HTT: variants seen among roughly 807,000 people sequenced by gnomAD.
The protein encoded by HTT is huntingtin, also known as huntington disease protein.
A neutral mutation model predicts 362.3 loss-of-function variants in HTT; 104 were observed. That is an observed-to-expected ratio of 0.29 (90% CI 0.24 to 0.34). The LOEUF (loss-of-function observed/expected upper bound fraction) is 0.34, where lower values mean the gene tolerates loss of function less well. HTT is among the 10% of genes least tolerant of loss of function. HTT has a pLI of 1.00. For synonymous variants in HTT, 1,577 were observed against 1,548.7 expected, an observed-to-expected ratio of 1.02 and a Z score of -0.43; for missense variants, 3,301 against 3,928.6, an observed-to-expected ratio of 0.84 and a Z score of 4.27.
At chr4:3,203,034 C>T (rs974723553) in intron 41 of HTT, 5 of 152,148 alleles carry the variant, frequency 3.3e-5, no homozygotes, top group South Asian at 2.1e-4. Context: ...CGGAACCACG[C>T]GGTGTGCAGC....
chr4:3,145,226 T>C lies in HTT; in HGVS notation c.3141T>C (p.Cys1047=). The C allele has an allele frequency of 6.2e-7, 1 of 1,600,628 alleles. No homozygotes were observed. The highest frequency in any genetic ancestry group is 8.6e-7 in the Non-Finnish European group (1 of 1,167,726). ...PVCIWSLGWH[C]GVPPLSASDE... ...GCATTTGGAGTTTAGGTTGGCACTG[T>C]GGGTATGTATTTTCCTCAGTATATA... The change falls in exon 24 of 67, where the codon TGT becomes TGC. Residue 1047 remains cysteine (C), a splice_region_variant and synonymous_variant. Transcript: ENST00000355072.
Position 3,206,376 on chromosome 4 carries a change from G to A in HTT, c.5719-120G>A. On this transcript the variant is annotated intron_variant, in intron 42 of 66. Transcript: ENST00000355072. The surrounding 1 kb of genome is among the most constrained non-coding windows in gnomAD (Gnocchi z 4.6). ...TGTGCTCATACACTGTATATTTTTA[G>A]TGAGGTTTATATTTGGGATGTGTTT... 1.4e-6 allele frequency: 1 copy of A among 737,474 alleles called. No individual in the cohort carries two copies. The highest frequency in any genetic ancestry group is 2.4e-5 in the Admixed American group (1 of 41,022). The allele number at this position is 737,474 out of a possible 1,614,324, so 45.7% of individuals were successfully genotyped here.
chr4:3,158,729 C>G (rs1717288967), intron 28 of HTT, among the ~76,000 whole-genome samples: 1 of 151,730 alleles, frequency 6.6e-6, no homozygotes, highest in Non-Finnish European at 1.5e-5. Context: ...ATATGAAAGT[C>G]TTCATATTTT....
chr4:3,140,516 C>T lies in HTT; in HGVS notation c.2805C>T (p.Val935=), dbSNP rs751190890. ...HVAAASLIRL[V]PKLFYKCDQG... is the part of the protein sequence containing the mutation. ...AACCTTACTTTTGTGTTAGGCTTGT[C>T]CCAAAGCTGTTTTATAAATGTGACC... The change falls in exon 22 of 67, where the codon GTC becomes GTT. Residue 935 remains valine, a synonymous_variant. Transcript: ENST00000355072. 1.2e-6 allele frequency: 2 copies of T among 1,613,868 alleles called. No individual in the cohort carries two copies. Among genetic ancestry groups the T allele is most frequent in the Non-Finnish European group, 1.7e-6 (2 of 1,179,946 alleles).
intron 11 of HTT, among the ~76,000 whole-genome samples, chr4:3,127,061 T>C (rs1460576145): frequency 6.6e-6 from 1 of 152,316 alleles, no homozygotes; most frequent in East Asian, 1.9e-4. Flanking sequence ...ATAAGCCTTA[T>C]TTTATAAGGT....
chr4:3,116,040 A>G (rs1293639175), intron 7 of HTT, 45 bp from the exon 8 acceptor site: 2 of 1,546,560 alleles, frequency 1.3e-6, no homozygotes, highest in Non-Finnish European at 1.8e-6. Flanking sequence ...GGGAATCTCC[A>G]AACAGTGAGT....
At chr4:3,140,761 C>T (rs2110198512) in intron 22 of HTT, 105 bp downstream of exon 22, 1 of 1,142,986 alleles carries the variant, frequency 8.7e-7, no homozygotes, top group Non-Finnish European at 1.2e-6. Flanking sequence ...AAAAAAGCTT[C>T]AGCTCAGGAT....
intron 66 of HTT, 108 bp from the exon 67 acceptor site, chr4:3,239,738 G>C: frequency 2.3e-6 from 2 of 879,052 alleles, no homozygotes; most frequent in East Asian, 2.7e-5. Flanking sequence ...CGCTCTCCAG[G>C]CTCCCTGGAC....
chr4:3,147,098 T>C, intron 25 of HTT, 150 bp downstream of exon 25: 2 of 808,110 alleles, frequency 2.5e-6, no homozygotes, highest in South Asian at 3.1e-5. Context: ...ATGTTACCTA[T>C]ATGCATAAAC....
chr4:3,218,001 G>T lies in HTT; in HGVS notation c.7242+49G>T, dbSNP rs576712084. ...AAGACCAAGTACGGTGAAAGGCACC[G>T]GTAGGCCCTGGGCTGGGCACACGTG... On this transcript the variant is annotated intron_variant, in intron 52 of 66. Coordinates refer to ENST00000355072, the MANE Select transcript of HTT (RefSeq NM_001388492.1). This position sits in a 1 kb window ranked among gnomAD's most constrained non-coding sequence, Gnocchi z 4.4. 6.7e-7 allele frequency: 1 copy of T among 1,503,230 alleles called. No individual in the cohort carries two copies. Among genetic ancestry groups the T allele is most frequent in the Non-Finnish European group, 9.0e-7 (1 of 1,106,700 alleles). The allele number at this position is 1,503,230 out of a possible 1,614,324, so 93.1% of individuals were successfully genotyped here. A position where few individuals can be genotyped will look rare whatever the true frequency, so the allele number is the denominator to read the frequency against.
In HTT at chr4:3,087,003, A is replaced by G; in HGVS notation, c.328A>G (p.Ile110Val). 1.3e-6 allele frequency: 2 copies of G among 1,599,710 alleles called. No individual in the cohort carries two copies. Among genetic ancestry groups the G allele is most frequent in the Non-Finnish European group, 1.7e-6 (2 of 1,167,144 alleles). Reference sequence around the variant, plus strand: ...TCATTGTCTGACAATATGTGAAAACATAGTGGCACAGTCTGTCAGGTAATT... The same window carrying G: ...TCATTGTCTGACAATATGTGAAAACGTAGTGGCACAGTCTGTCAGGTAATT... ...VNHCLTICEN[I>V]VAQSVRNSPE... The change falls in exon 2 of 67, where the codon ATA becomes GTA. Residue 110 changes from isoleucine (I) to valine (V), a missense_variant. Coordinates refer to ENST00000355072, the MANE Select transcript of HTT (RefSeq NM_001388492.1).
chr4:3,210,904 C>CTTTTTTT (rs780304223), intron 47 of HTT, among the ~76,000 whole-genome samples: 4 of 122,732 alleles, frequency 3.3e-5, no homozygotes, highest in Non-Finnish European at 4.9e-5. Flanking sequence ...AATTGTTTAT[C>CTTTTTTT]TTTTTTTTTT....
intron 1 of HTT, among the ~76,000 whole-genome samples, chr4:3,080,756 G>A (rs1340527468): frequency 2.6e-5 from 4 of 152,190 alleles, no homozygotes; most frequent in African/African-American, 9.7e-5. Context: ...TCCATTTTGA[G>A]TTAATTTTTA....
At chr4:3,139,608 T>C (rs1716240438) in intron 21 of HTT, among the ~76,000 whole-genome samples, 1 of 152,218 alleles carries the variant, frequency 6.6e-6, no homozygotes, top group Non-Finnish European at 1.5e-5. Context: ...GATAAAATAG[T>C]TCATTGTTTC....
chr4:3,129,110 C>T (rs1715671345), intron 12 of HTT: 1 of 152,232 alleles, frequency 6.6e-6, no homozygotes, highest in Non-Finnish European at 1.5e-5. Flanking sequence ...AGGCCAAATA[C>T]TATTCCATTG....
chr4:3,087,618 T>C (rs1379056916), intron 2 of HTT, among the ~76,000 whole-genome samples: 1 of 152,214 alleles, frequency 6.6e-6, no homozygotes, highest in East Asian at 1.9e-4. Flanking sequence ...ATGGTAAATA[T>C]ATTTAGGCCT....
In HTT at chr4:3,083,530, TACACACACACACACACACACACAC is replaced by T. The variant is rs56210756; in HGVS notation, c.264-3375_264-3352del. On this transcript the variant is annotated intron_variant, in intron 1 of 66. Transcript: ENST00000355072. ...GAGAGTGAGACCCTGTCTCTAAATA[TACACACACACACACACACACACAC>T]ACACACACACACACACACACACACA... Among the ~76,000 whole-genome samples, 75 of 125,222 alleles carry T rather than the reference TACACACACACACACACACACACAC, an allele frequency of 6.0e-4. 1 individual carries two copies. The East Asian group carries it at 7.3e-3, about 12-fold the overall frequency. 82.2% of individuals were successfully genotyped at this position (125,222 alleles called of 152,430 possible).
Position 3,075,025 on chromosome 4 carries a change from C to G in HTT, c.200C>G (p.Pro67Arg), listed in dbSNP as rs1158883388. 3 of 1,249,134 alleles carry G rather than the reference C, an allele frequency of 2.4e-6. No individual in the cohort carries two copies. Among genetic ancestry groups the G allele is most frequent in the Non-Finnish European group, 3.0e-6 (3 of 1,002,668 alleles). The allele number at this position is 1,249,134 out of a possible 1,614,324, so 77.4% of individuals were successfully genotyped here. A position where few individuals can be genotyped will look rare whatever the true frequency, so the allele number is the denominator to read the frequency against. Reference protein sequence around the residue: ...QAQPLLPQPQPPPPPPPPPPG... With the variant: ...QAQPLLPQPQRPPPPPPPPPG... The stretch of plus-strand genomic sequence containing the variant: ...CAGCCGCTGCTGCCTCAGCCGCAGC[C>G]GCCCCCGCCGCCGCCCCCGCCGCCA... Residue 67 changes from proline to arginine, a missense_variant, in exon 1 of 67, where the codon CCG (proline) becomes CGG (arginine). Transcript: ENST00000355072.
At chr4:3,237,674 G>C (rs1033873717) in intron 64 of HTT, among the ~76,000 whole-genome samples, 2 of 152,192 alleles carry the variant, frequency 1.3e-5, no homozygotes. Flanking sequence ...GAGGGTCTGC[G>C]GGCGGGTAGA....
Sources: allele counts gnomAD v4.1 joint callset (sites outside exome capture counted in the v4.1 genomes callset), GRCh38; gene constraint gnomAD v4.1.1; non-coding constraint Gnocchi (gnomAD v3.1); transcripts MANE v1.5; gene names NCBI Gene and HGNC (gene_info 2026-07-23, HGNC 2026-07-21).